DMD: variants seen among roughly 807,000 people sequenced by gnomAD.
DMD encodes mutant dystrophin.
Under a neutral mutation model 330.1 loss-of-function variants are expected in DMD, and 63 were observed. The ratio of observed to expected loss-of-function variants is 0.19; its 90% CI spans 0.16 to 0.24. DMD has a LOEUF of 0.24. DMD is among the 10% of genes least tolerant of loss of function. DMD has a pLI of 1.00. For missense variants in DMD, 3,344 were observed against 2,684.1 expected, an observed-to-expected ratio of 1.25 and a Z score of -5.43; for synonymous variants, 1,223 against 959.8, an observed-to-expected ratio of 1.27 and a Z score of -5.07.
chrX:32,681,367 A>C (rs1051051004), intron 9 of DMD, among the ~76,000 whole-genome samples: 2 of 111,494 alleles, frequency 1.8e-5, no homozygotes, highest in Non-Finnish European at 1.9e-5. Context: ...CCAATCACTG[A>C]AATTAGTTTG....
intron 2 of DMD, among the ~76,000 whole-genome samples, chrX:32,866,726 G>GC (rs1310690954): frequency 2.8e-5 from 1 of 35,493 alleles, no homozygotes; most frequent in African/African-American, 1.1e-4. Flanking sequence ...CTTTTTTTTG[G>GC]GGGGGGGTGG....
rs763290496 is a variant in DMD at position 32,766,207 on chromosome X, T to C, written c.649+43286A>G. On this transcript the variant is annotated intron_variant, in intron 7 of 78. Coordinates refer to ENST00000357033, the MANE Select transcript of DMD (RefSeq NM_004006.3). ...CATGAGATTACATGGGAATTTTTGA[T>C]AGAGTTGTCTATTTCTGCAGAAAAA... Among the ~76,000 whole-genome samples, 12 of 111,556 alleles carry C rather than the reference T, an allele frequency of 1.1e-4. No homozygotes were observed. The East Asian group carries it at 3.4e-3, about 32-fold the overall frequency.
At position 32,815,520 on chromosome X, in the gene DMD, T is replaced by TATATATATAATATATATACAC; in HGVS notation, c.530+947_530+948insGTGTATATATATTATATATAT. ...ATATATATATATATATATATATATA[T>TATATATATAATATATATACAC]ACACACACACACACACATATATATA... On this transcript the variant is annotated intron_variant, in intron 6 of 78. Transcript: ENST00000357033. Among the ~76,000 whole-genome samples, 7 of 78,959 alleles carry TATATATATAATATATATACAC rather than the reference T, an allele frequency of 8.9e-5. 1 individual carries two copies. Among genetic ancestry groups the TATATATATAATATATATACAC allele is most frequent in the African/African-American group, 3.7e-4 (7 of 18,856 alleles). 68.6% of individuals were successfully genotyped at this position (78,959 alleles called of 115,157 possible).
chrX:32,497,406 T>C (rs761763567), intron 19 of DMD, among the ~76,000 whole-genome samples: 1 of 111,935 alleles, frequency 8.9e-6, no homozygotes, highest in African/African-American at 3.2e-5. Flanking sequence ...GATGTGACTG[T>C]CCTTAGACTC....
chrX:31,328,719 G>T (rs1012921798), intron 61 of DMD, among the ~76,000 whole-genome samples: 1 of 110,117 alleles, frequency 9.1e-6, no homozygotes, highest in African/African-American at 3.4e-5. Flanking sequence ...CCAAAATGTT[G>T]TCAGGATAAA....
At chrX:32,700,463 G>A (rs1306377789) in intron 7 of DMD, among the ~76,000 whole-genome samples, 2 of 110,691 alleles carry the variant, frequency 1.8e-5, no homozygotes, top group East Asian at 2.8e-4. Flanking sequence ...CAGTTAGATA[G>A]GAAAAATAAG....
At chrX:32,380,148 A>C (rs982456791) in intron 34 of DMD, among the ~76,000 whole-genome samples, 1 of 111,652 alleles carries the variant, frequency 9.0e-6, no homozygotes, top group African/African-American at 3.3e-5. Context: ...ACTGTCTTCA[A>C]TCTCTGTGTC....
chrX:32,727,308 T>C (rs1407391643), intron 7 of DMD, among the ~76,000 whole-genome samples: 2 of 111,106 alleles, frequency 1.8e-5, no homozygotes, highest in Admixed American at 1.9e-4. Context: ...CAAAAAATAC[T>C]AAAGTAGGTG....
chrX:32,458,716 T>A (rs1327963952), intron 25 of DMD, among the ~76,000 whole-genome samples: 1 of 111,639 alleles, frequency 9.0e-6, no homozygotes, highest in South Asian at 3.7e-4. Flanking sequence ...AAGAGGTTCT[T>A]GTGGCTTTTA....
At chrX:31,802,749 G>T (rs921175836) in intron 50 of DMD, among the ~76,000 whole-genome samples, 1 of 111,931 alleles carries the variant, frequency 8.9e-6, no homozygotes, top group Admixed American at 9.4e-5. Context: ...GAACTGTTGA[G>T]TAGGCAGTTA....
chrX:31,882,180 A>T (rs2094082025), intron 47 of DMD, among the ~76,000 whole-genome samples: 1 of 112,156 alleles, frequency 8.9e-6, no homozygotes, highest in Admixed American at 9.5e-5. Flanking sequence ...GAAGTTTAAG[A>T]ATGTTTGCCA....
chrX:32,557,510 C>A (rs1218511958), intron 16 of DMD, among the ~76,000 whole-genome samples: 1 of 111,811 alleles, frequency 8.9e-6, no homozygotes, highest in African/African-American at 3.2e-5. Flanking sequence ...ATTGCGTTGT[C>A]TGTCTATGTA....
At chrX:31,294,355 T>C (rs756300101) in intron 62 of DMD, among the ~76,000 whole-genome samples, 9 of 112,163 alleles carry the variant, frequency 8.0e-5, no homozygotes, top group Non-Finnish European at 1.7e-4. Flanking sequence ...AAGTGTTCGA[T>C]AAAGTGCTAT....
intron 19 of DMD, among the ~76,000 whole-genome samples, chrX:32,496,138 A>G (rs2148660846): frequency 8.9e-6 from 1 of 112,347 alleles, no homozygotes; most frequent in South Asian, 3.7e-4. Context: ...CAAGTACTTC[A>G]GAACTGCCAC....
chrX:32,077,132 T>C (rs1011481271), intron 44 of DMD, among the ~76,000 whole-genome samples: 3 of 111,229 alleles, frequency 2.7e-5, no homozygotes, highest in Non-Finnish European at 3.8e-5. Context: ...ATCACGATAA[T>C]GCTTATCCAT....
At chrX:32,923,319 G>C (rs941901598) in intron 2 of DMD, among the ~76,000 whole-genome samples, 4 of 111,327 alleles carry the variant, frequency 3.6e-5, no homozygotes, top group Admixed American at 1.9e-4. Context: ...TCAATACTTT[G>C]GGAGGCCAAG....
At chrX:32,543,150 T>A (rs2048643856) in intron 17 of DMD, among the ~76,000 whole-genome samples, 1 of 111,646 alleles carries the variant, frequency 9.0e-6, no homozygotes, top group Non-Finnish European at 1.9e-5. Context: ...ACTGAGCACA[T>A]AATAAATCCT....
intron 29 of DMD, 148 bp downstream of exon 29, chrX:32,438,093 G>T: frequency 1.7e-6 from 1 of 603,179 alleles, no homozygotes; most frequent in South Asian, 2.8e-5. Flanking sequence ...CACATGTAAA[G>T]AATTTACCCA....
chrX:31,833,334 GA>G (rs2093110627), intron 49 of DMD, among the ~76,000 whole-genome samples: 5 of 38,783 alleles, frequency 1.3e-4, no homozygotes, highest in Admixed American at 3.0e-4. Context: ...GGGAGAGAGG[GA>G]GAGAGTGGAG....
Sources: allele counts gnomAD v4.1 joint callset (sites outside exome capture counted in the v4.1 genomes callset), GRCh38; gene constraint gnomAD v4.1.1; transcripts MANE v1.5; gene names NCBI Gene and HGNC (gene_info 2026-07-23, HGNC 2026-07-21).